Variants in SOX5 observed in about 807,000 individuals in gnomAD.
SOX5 encodes transcription factor SOX-5.
A neutral mutation model predicts 92.0 loss-of-function variants in SOX5; 9 were observed. The observed-to-expected ratio is 0.10, with a 90% confidence interval of 0.06 to 0.17. SOX5 has a LOEUF of 0.17. SOX5 is among the 10% of genes least tolerant of loss of function. SOX5 has a pLI of 1.00. For missense variants in SOX5, 642 were observed against 944.5 expected, an observed-to-expected ratio of 0.68 and a Z score of 4.20; for synonymous variants, 344 against 336.3, an observed-to-expected ratio of 1.02 and a Z score of -0.25.
At chr12:24,377,668 T>C (rs968243080) in intron 1 of SOX5, among the ~76,000 whole-genome samples, 27 of 152,336 alleles carry the variant, frequency 1.8e-4, no homozygotes, top group African/African-American at 6.3e-4. Context: ...GTTTTCCTAA[T>C]ACATATTTTT....
chr12:23,758,655 C>T, intron 3 of SOX5, among the ~76,000 whole-genome samples: 1 of 152,014 alleles, frequency 6.6e-6, no homozygotes, highest in East Asian at 1.9e-4. Context: ...CTTTGCAGCA[C>T]ATACATTGCT....
At chr12:24,418,354 T>C (rs1205886686) in intron 1 of SOX5, among the ~76,000 whole-genome samples, 2 of 152,192 alleles carry the variant, frequency 1.3e-5, no homozygotes, top group Non-Finnish European at 2.9e-5. Context: ...CAGTGATTGG[T>C]TGTAAATCCA....
intron 1 of SOX5, among the ~76,000 whole-genome samples, chr12:24,514,489 T>C (rs961054041): frequency 1.3e-5 from 2 of 152,168 alleles, no homozygotes; most frequent in African/African-American, 2.4e-5. Flanking sequence ...TTACCCAACA[T>C]TTTTCTCATT....
chr12:23,736,439 G>A (rs2093597373), intron 5 of SOX5, among the ~76,000 whole-genome samples: 1 of 151,984 alleles, frequency 6.6e-6, no homozygotes, highest in African/African-American at 2.4e-5. Flanking sequence ...TCCAGCCTGG[G>A]TGACAGAGCG....
chr12:24,294,400 C>T (rs1341023130), intron 2 of SOX5, among the ~76,000 whole-genome samples: 1 of 152,032 alleles, frequency 6.6e-6, no homozygotes, highest in Non-Finnish European at 1.5e-5. Flanking sequence ...ATATTAATCT[C>T]AAATATAATA....
At chr12:24,116,889 CAT>C (rs544102285) in intron 4 of SOX5, among the ~76,000 whole-genome samples, 112 of 149,988 alleles carry the variant, frequency 7.5e-4, no homozygotes, top group Admixed American at 1.7e-3. Context: ...TATGTGTATA[CAT>C]ATTTATGTGT....
At chr12:23,949,488 C>A in intron 1 of SOX5, 76 bp downstream of exon 1, 1 of 1,569,564 alleles carries the variant, frequency 6.4e-7, no homozygotes, top group Non-Finnish European at 8.8e-7. Context: ...GGGGGAGCAT[C>A]TTCCAATGAT....
chr12:24,260,350 C>T (rs1369364312), intron 3 of SOX5, among the ~76,000 whole-genome samples: 1 of 152,146 alleles, frequency 6.6e-6, no homozygotes, highest in Non-Finnish European at 1.5e-5. Flanking sequence ...AATTACTTGA[C>T]CTTCCTCTAA....
intron 5 of SOX5, among the ~76,000 whole-genome samples, chr12:23,740,185 T>C (rs367919379): frequency 1.3e-5 from 2 of 152,216 alleles, no homozygotes; most frequent in East Asian, 3.9e-4. Flanking sequence ...ACTGGACAAC[T>C]TGACAGGAAC....
At chr12:24,425,029 G>C (rs1426095870) in intron 1 of SOX5, among the ~76,000 whole-genome samples, 1 of 152,078 alleles carries the variant, frequency 6.6e-6, no homozygotes, top group Non-Finnish European at 1.5e-5. Context: ...AGGGGGGAGA[G>C]AGACAGAACT....
chr12:23,774,760 T>C (rs761940634), intron 3 of SOX5, among the ~76,000 whole-genome samples: 1 of 152,116 alleles, frequency 6.6e-6, no homozygotes, highest in Non-Finnish European at 1.5e-5. Flanking sequence ...ATTCTTGTAG[T>C]CATTTTCTCT....
At chr12:24,203,259 G>A (rs1362614931) in intron 4 of SOX5, among the ~76,000 whole-genome samples, 1 of 152,184 alleles carries the variant, frequency 6.6e-6, no homozygotes, top group Admixed American at 6.5e-5. Context: ...TTATTTCAAT[G>A]TTTTCATCAT....
intron 4 of SOX5, among the ~76,000 whole-genome samples, chr12:24,083,424 A>G (rs1943601458): frequency 6.6e-6 from 1 of 152,116 alleles, no homozygotes; most frequent in Non-Finnish European, 1.5e-5. Flanking sequence ...CAGGCATTGT[A>G]CCAAGCCATG....
rs10556060 is a variant in SOX5 at position 24,254,718 on chromosome 12, A to AATATATATATATATAT, written c.-77+22482_-77+22497dup. ...TATTCTTTTTTCTTTGGGCTGCTCAAATATATATATATATATATATTTCCT... is the reference window on the plus strand; with the variant it reads ...TATTCTTTTTTCTTTGGGCTGCTCAAATATATATATATATATATATATATATATATATATATTTCCT... On this transcript the variant is annotated intron_variant, in intron 3 of 4. Coordinates refer to the SOX5 transcript ENST00000446891. 1.9e-3 allele frequency among the ~76,000 whole-genome samples: 279 copies of AATATATATATATATAT among 146,672 alleles called. 5 individuals are homozygous for AATATATATATATATAT. Among genetic ancestry groups the AATATATATATATATAT allele is most frequent in the Middle Eastern group, 0.014 (4 of 290 alleles).
At chr12:24,524,457 C>G (rs1357267954) in intron 1 of SOX5, among the ~76,000 whole-genome samples, 1 of 151,862 alleles carries the variant, frequency 6.6e-6, no homozygotes. Flanking sequence ...CTAATACACT[C>G]TATGTCTGTT....
At chr12:23,608,976 C>T (rs772822019) in intron 8 of SOX5, among the ~76,000 whole-genome samples, 28 of 152,128 alleles carry the variant, frequency 1.8e-4, no homozygotes, top group Non-Finnish European at 3.2e-4. Context: ...TATAAGTATA[C>T]TGTAACTGTA....
intron 2 of SOX5, among the ~76,000 whole-genome samples, chr12:24,363,134 T>A (rs1955786532): frequency 6.6e-6 from 1 of 152,178 alleles, no homozygotes. Context: ...AATTCACCTG[T>A]GAAATAACAT....
intron 8 of SOX5, among the ~76,000 whole-genome samples, chr12:23,605,656 G>T (rs1413754027): frequency 1.3e-5 from 2 of 151,416 alleles, no homozygotes; most frequent in African/African-American, 2.4e-5. Context: ...TTTTTTTTCT[G>T]AAAGAGAAAT....
intron 1 of SOX5, among the ~76,000 whole-genome samples, chr12:24,532,574 A>T (rs1369784754): frequency 6.6e-6 from 1 of 152,248 alleles, no homozygotes; most frequent in Non-Finnish European, 1.5e-5. Flanking sequence ...CAACATTACC[A>T]AGTGGGTATA....
Sources: gnomAD v4.1 joint callset for allele counts (sites outside exome capture counted in the v4.1 genomes callset) on GRCh38, gnomAD v4.1.1 for gene constraint, MANE v1.5 for transcripts, NCBI Gene and HGNC (gene_info 2026-07-23, HGNC 2026-07-21) for gene names.